The following GAD2 variants were observed in gnomAD, a reference collection of about 807,000 sequenced individuals.
GAD2 encodes glutamate decarboxylase 2.
Under a neutral mutation model 80.1 loss-of-function variants are expected in GAD2, and 22 were observed. The ratio of observed to expected loss-of-function variants is 0.27; its 90% CI spans 0.20 to 0.39. The LOEUF (loss-of-function observed/expected upper bound fraction) is 0.39, where lower values mean the gene tolerates loss of function less well. Among genes scored for constraint, GAD2 ranks in the 10% least tolerant of loss-of-function variants. The pLI, the probability that GAD2 is intolerant of heterozygous loss-of-function variation, is 1.00. For missense variants in GAD2, 624 were observed against 738.4 expected (o/e 0.85, Z 1.80); for synonymous variants, 274 against 256.9 (o/e 1.07, Z -0.64).
chr10:26,220,597 T>C lies in GAD2; in HGVS notation c.520+1321T>C, dbSNP rs150441804. ...CCCACGTGATGTTTATACCAGGCAT[T>C]AAAAATTTTCCTACCCCTCCTCAGC... is the stretch of plus-strand genomic sequence containing the variant. On this transcript the variant is annotated intron_variant, in intron 4 of 15. Transcript: ENST00000376261. Among the ~76,000 whole-genome samples, 83 of 152,290 alleles carry C rather than the reference T, an allele frequency of 5.5e-4. 2 individuals are homozygous for C. The highest frequency in any genetic ancestry group is 2.0e-3 in the African/African-American group (83 of 41,560).
chr10:26,285,895 T>G (rs1417252120), intron 12 of GAD2, among the ~76,000 whole-genome samples: 1 of 152,078 alleles, frequency 6.6e-6, no homozygotes, highest in African/African-American at 2.4e-5. Flanking sequence ...TAGATATGGA[T>G]GGAAATACTG....
At chr10:26,265,497 A>G (rs905842860) in intron 8 of GAD2, among the ~76,000 whole-genome samples, 5 of 152,046 alleles carry the variant, frequency 3.3e-5, no homozygotes, top group African/African-American at 1.2e-4. Context: ...GCCACCGAGT[A>G]TGGCCAGCAT....
At chr10:26,246,065 T>A (rs181022162) in intron 8 of GAD2, 65 bp downstream of exon 8, 1 of 1,392,868 alleles carries the variant, frequency 7.2e-7, no homozygotes, top group African/African-American at 1.4e-5. Context: ...TAGTGCCTTT[T>A]GGTCTGAAAA....
At chr10:26,292,431 C>T (rs1351786863) in intron 13 of GAD2, 34 bp from the exon 14 acceptor site, 1 of 1,524,324 alleles carries the variant, frequency 6.6e-7, no homozygotes, top group South Asian at 1.1e-5. Flanking sequence ...GCACTCTTAG[C>T]CTGCTTAATG....
intron 4 of GAD2, among the ~76,000 whole-genome samples, 196 bp from the exon 5 acceptor site, chr10:26,223,691 G>A (rs1844482166): frequency 6.6e-6 from 1 of 150,446 alleles, no homozygotes; most frequent in Admixed American, 6.6e-5. Context: ...TTTATGGTGT[G>A]TGTGTGTGTG....
At chr10:26,299,077 G>T (rs1834303517) in intron 15 of GAD2, among the ~76,000 whole-genome samples, 1 of 152,144 alleles carries the variant, frequency 6.6e-6, no homozygotes, top group African/African-American at 2.4e-5. Context: ...CTCAATGCTG[G>T]AATCATCCAC....
At chr10:26,281,787 G>A (rs1845274771) in intron 12 of GAD2, among the ~76,000 whole-genome samples, 1 of 152,194 alleles carries the variant, frequency 6.6e-6, no homozygotes, top group East Asian at 1.9e-4. Context: ...TCTGCCTTCC[G>A]TGACGCCAGG....
chr10:26,248,857 G>A (rs559515452), intron 8 of GAD2, among the ~76,000 whole-genome samples: 4 of 152,240 alleles, frequency 2.6e-5, no homozygotes, highest in African/African-American at 9.6e-5. Context: ...GAGAGCTAAA[G>A]TTAGAATTTA....
chr10:26,271,789 T>C (rs1845141136), intron 10 of GAD2, among the ~76,000 whole-genome samples: 1 of 152,124 alleles, frequency 6.6e-6, no homozygotes, highest in African/African-American at 2.4e-5. Context: ...AGACAGAGTC[T>C]TGCTCTGTCG....
At chr10:26,245,835 A>G (rs1844802161) in intron 7 of GAD2, 86 bp from the exon 8 acceptor site, 1 of 1,076,466 alleles carries the variant, frequency 9.3e-7, no homozygotes, top group Admixed American at 2.1e-5. Context: ...ATGAAAGGAA[A>G]AAAGGAAAAC....
In GAD2 at chr10:26,292,937, T is replaced by C. The variant is rs755877486; in HGVS notation, c.1530T>C (p.Pro510=). ...CAAATGTCTGCTTCTGGTACATTCC[T>C]CCAAGCTTGCGTACTCTGGAAGACA... ...QHTNVCFWYI[P]PSLRTLEDNE... Residue 510 remains proline, a synonymous_variant, in exon 15 of 16, where the codon CCT becomes CCC. Transcript: ENST00000376261. The C allele has an allele frequency of 6.2e-7, 1 of 1,613,990 alleles. No homozygotes were observed. The highest frequency in any genetic ancestry group is 8.5e-7 in the Non-Finnish European group (1 of 1,179,918).
At chr10:26,259,156 G>T (rs775175253) in intron 8 of GAD2, among the ~76,000 whole-genome samples, 1 of 152,184 alleles carries the variant, frequency 6.6e-6, no homozygotes, top group Non-Finnish European at 1.5e-5. Flanking sequence ...ACGCTGCAAT[G>T]AATATGGGCT....
chr10:26,223,841 A>G (rs1844485142), intron 4 of GAD2, 46 bp from the exon 5 acceptor site: 2 of 1,289,544 alleles, frequency 1.6e-6, no homozygotes, highest in African/African-American at 1.5e-5. Flanking sequence ...AGAGGCATTT[A>G]TTTTCACTGG....
chr10:26,224,432 TTGTAAA>T lies in GAD2; in HGVS notation c.612-102_612-97del, dbSNP rs948161113. Reference sequence around the variant, plus strand: ...CTGCTTAATGTTATAATCATAACACTTGTAAATGTATGTTTTGAAAAAGGAAATAGT... The same window carrying T: ...CTGCTTAATGTTATAATCATAACACTTGTATGTTTTGAAAAAGGAAATAGT... On this transcript the variant is annotated intron_variant, in intron 5 of 15. Coordinates refer to ENST00000376261, the MANE Select transcript of GAD2 (RefSeq NM_001134366.2). 15 of 761,170 alleles carry T rather than the reference TTGTAAA, an allele frequency of 2.0e-5. No homozygotes were observed. In the African/African-American group the frequency reaches 2.1e-4, roughly 11 times the overall value. 47.2% of individuals were successfully genotyped at this position (761,170 alleles called of 1,614,324 possible).
At chr10:26,244,723 G>T (rs1197671561) in intron 7 of GAD2, among the ~76,000 whole-genome samples, 1 of 152,148 alleles carries the variant, frequency 6.6e-6, no homozygotes, top group Non-Finnish European at 1.5e-5. Flanking sequence ...GGGGTTGGGG[G>T]TGGGGAGAAT....
intron 12 of GAD2, among the ~76,000 whole-genome samples, chr10:26,282,228 C>G (rs1845280423): frequency 1.3e-5 from 2 of 152,200 alleles, no homozygotes; most frequent in Non-Finnish European, 2.9e-5. Context: ...CAGGCATGAG[C>G]TACCATGCCC....
At chr10:26,252,337 A>C (rs887028257) in intron 8 of GAD2, among the ~76,000 whole-genome samples, 2 of 149,810 alleles carry the variant, frequency 1.3e-5, no homozygotes, top group Admixed American at 6.7e-5. Flanking sequence ...TGCGAGGTAC[A>C]TTTTTTTTTC....
At chr10:26,243,049 C>G (rs116485011) in intron 7 of GAD2, among the ~76,000 whole-genome samples, 3 of 152,106 alleles carry the variant, frequency 2.0e-5, no homozygotes, top group African/African-American at 7.2e-5. Flanking sequence ...AAAACCCCCC[C>G]CCTTTTTTTG....
At chr10:26,270,581 C>G (rs1004299479) in intron 9 of GAD2, 59 bp from the exon 10 acceptor site, 6 of 1,239,892 alleles carry the variant, frequency 4.8e-6, no homozygotes, top group South Asian at 2.4e-5. Context: ...TTTGAATCAG[C>G]TTTTTAAAAG....
Sources: allele counts gnomAD v4.1 joint callset (sites outside exome capture counted in the v4.1 genomes callset), GRCh38; gene constraint gnomAD v4.1.1; transcripts MANE v1.5; gene names NCBI Gene and HGNC (gene_info 2026-07-23, HGNC 2026-07-21).